Variants in LGALS3 observed in about 807,000 individuals in gnomAD.
LGALS3 encodes galectin 3, also known as galectin-3.
LGALS3 carries 18 observed loss-of-function variants against 20.7 expected under a neutral mutation model. That is an observed-to-expected ratio of 0.87 (90% confidence interval 0.60 to 1.29). LGALS3 has a LOEUF of 1.29. Ranked by LOEUF, LGALS3 falls within the 50% of genes most tolerant of loss-of-function variation. LGALS3 has a pLI of 0.00. For synonymous variants in LGALS3, 112 were observed against 119.6 expected (o/e 0.94, Z 0.42); for missense variants, 315 against 314.7 (o/e 1.00, Z -0.01).
chr14:55,134,374 G>C lies in LGALS3; in HGVS notation c.-4-2996G>C, dbSNP rs115890944. Among the ~76,000 whole-genome samples the C allele has an allele frequency of 8.7e-3, 1,319 of 152,292 alleles. 20 individuals are homozygous for C. Among genetic ancestry groups the C allele is most frequent in the African/African-American group, 0.029 (1,213 of 41,548 alleles). ...GTGCTGAGGTTCACAATAAGCTCCT[G>C]TGCAATGAGGACATTTAAAAGAAAT... On this transcript the variant is annotated intron_variant, in intron 1 of 5. Coordinates refer to ENST00000254301, the MANE Select transcript of LGALS3 (RefSeq NM_002306.4).
At chr14:55,140,150 A>T (rs945927778) in intron 3 of LGALS3, 125 bp from the exon 4 acceptor site, 30 of 614,584 alleles carry the variant, frequency 4.9e-5, no homozygotes, top group Non-Finnish European at 8.4e-5. Context: ...GAGTCTGGAC[A>T]GATGGCATAT....
intron 4 of LGALS3, 130 bp from the exon 5 acceptor site, chr14:55,142,454 T>C (rs1429440729): frequency 3.3e-6 from 2 of 612,766 alleles, no homozygotes; most frequent in East Asian, 5.5e-5. Flanking sequence ...ATTTATTTGC[T>C]TTCCATTCAG....
In LGALS3 at chr14:55,145,401, TTACAGTGAATTACCTGTCTC is replaced by T. The variant is rs2140298709; in HGVS notation, c.*131_*150del. ...TTGTAAGTCATCTACTTAATAAATA[TTACAGTGAATTACCTGTCTC>T]AATATGTCATTTAATTGGAGTGGTT... On this transcript the variant is annotated 3_prime_UTR_variant, in exon 6 of 6. Transcript: ENST00000254301. 1 of 1,472,602 alleles carries T rather than the reference TTACAGTGAATTACCTGTCTC, an allele frequency of 6.8e-7. No homozygotes were observed. Among genetic ancestry groups the T allele is most frequent in the South Asian group, 1.2e-5 (1 of 82,690 alleles). The allele number at this position is 1,472,602 out of a possible 1,614,324, so 91.2% of individuals were successfully genotyped here.
intron 1 of LGALS3, among the ~76,000 whole-genome samples, chr14:55,134,609 T>C (rs1881326410): frequency 6.6e-6 from 1 of 152,200 alleles, no homozygotes; most frequent in Non-Finnish European, 1.5e-5. Context: ...AAGGTCCCCC[T>C]GCAGTAGCAA....
intron 4 of LGALS3, among the ~76,000 whole-genome samples, chr14:55,142,301 G>T (rs1881650694): frequency 6.6e-6 from 1 of 152,182 alleles, no homozygotes; most frequent in African/African-American, 2.4e-5. Context: ...TCATGAGTCT[G>T]TAGGGGCATT....
chr14:55,130,096 ACTGT>A (rs143586467), intron 1 of LGALS3, among the ~76,000 whole-genome samples: 40 of 152,336 alleles, frequency 2.6e-4, no homozygotes, highest in East Asian at 1.2e-3. Context: ...CCCTGCCCAG[ACTGT>A]CTGTGCCCAG....
intron 3 of LGALS3, among the ~76,000 whole-genome samples, chr14:55,139,765 A>G (rs1881552455): frequency 6.6e-6 from 1 of 152,248 alleles, no homozygotes; most frequent in Non-Finnish European, 1.5e-5. Context: ...GTCAATAAAC[A>G]TTTGTGGAAT....
At chr14:55,130,510 T>C (rs1881195550) in intron 1 of LGALS3, among the ~76,000 whole-genome samples, 1 of 151,664 alleles carries the variant, frequency 6.6e-6, no homozygotes, top group African/African-American at 2.4e-5. Context: ...GCACAGGGCC[T>C]GAGAAGAAAA....
Position 55,129,732 on chromosome 14 carries a change from C to G in LGALS3, c.-5+432C>G, listed in dbSNP as rs1244643419. The stretch of plus-strand genomic sequence containing the variant: ...GCGAGGGGAGGCGGAGGGGCTCGCT[C>G]AGCAAACCAGACGGCCGCTCCAGTT... On this transcript the variant is annotated intron_variant, in intron 1 of 5. Transcript: ENST00000254301. The surrounding 1 kb of genome is among the most constrained non-coding windows in gnomAD (Gnocchi z 5.3). Among the ~76,000 whole-genome samples, 1 of 152,200 alleles carries G rather than the reference C, an allele frequency of 6.6e-6. No homozygotes were observed. The highest frequency in any genetic ancestry group is 2.1e-4 in the South Asian group (1 of 4,828).
chr14:55,141,839 A>T (rs1386902374), intron 4 of LGALS3, among the ~76,000 whole-genome samples: 3 of 152,240 alleles, frequency 2.0e-5, no homozygotes, highest in Non-Finnish European at 4.4e-5. Context: ...AGTGCAGATT[A>T]AAATACGAAT....
intron 1 of LGALS3, among the ~76,000 whole-genome samples, chr14:55,133,830 C>A (rs1881303230): frequency 6.6e-6 from 1 of 152,164 alleles, no homozygotes; most frequent in Non-Finnish European, 1.5e-5. Context: ...GAAATGCCTT[C>A]TTTATTTGAC....
At chr14:55,133,621 G>A (rs139275100) in intron 1 of LGALS3, among the ~76,000 whole-genome samples, 5 of 152,204 alleles carry the variant, frequency 3.3e-5, no homozygotes, top group East Asian at 1.9e-4. Flanking sequence ...GCTGAAAAGC[G>A]CCACACAAAT....
At chr14:55,130,176 A>G (rs1314529161) in intron 1 of LGALS3, among the ~76,000 whole-genome samples, 1 of 152,206 alleles carries the variant, frequency 6.6e-6, no homozygotes, top group Non-Finnish European at 1.5e-5. Flanking sequence ...CTTTCACAAC[A>G]TGTTTGAGAG....
chr14:55,141,726 G>C (rs56358335), intron 4 of LGALS3, among the ~76,000 whole-genome samples: 12,556 of 152,216 alleles, frequency 0.082, 1,391 homozygotes, highest in African/African-American at 0.25. Context: ...ATTCTATGCT[G>C]TTTTTTCCTT....
In LGALS3 at chr14:55,141,632, C is replaced by T. The variant is rs556713583; in HGVS notation, c.432-952C>T. On this transcript the variant is annotated intron_variant, in intron 4 of 5. Transcript: ENST00000254301. Reference sequence around the variant, plus strand: ...TAAAAAAAACTGTTGCTTAGTCCTGCAAATTCTATATGACGAACTGTGTAG... The same window carrying T: ...TAAAAAAAACTGTTGCTTAGTCCTGTAAATTCTATATGACGAACTGTGTAG... Among the ~76,000 whole-genome samples the T allele has an allele frequency of 6.6e-5, 10 of 152,146 alleles. No individual in the cohort carries two copies. The South Asian group carries it at 2.1e-3, about 32-fold the overall frequency.
chr14:55,141,355 C>A (rs764501293), intron 4 of LGALS3, among the ~76,000 whole-genome samples: 3 of 152,162 alleles, frequency 2.0e-5, no homozygotes, highest in Admixed American at 6.5e-5. Context: ...CTACCTATGT[C>A]CTTATCCGTA....
rs184385433 is a variant in LGALS3 at position 55,133,437 on chromosome 14, C to A, written c.-4-3933C>A. On this transcript the variant is annotated intron_variant, in intron 1 of 5. Transcript: ENST00000254301. The stretch of plus-strand genomic sequence containing the variant: ...TATACTGTTTTTTTGATCTGATAAC[C>A]AAGCCTGCTACTAAGTGACTTGTGG... 6.7e-4 allele frequency among the ~76,000 whole-genome samples: 102 copies of A among 152,234 alleles called. 1 individual carries two copies. Among genetic ancestry groups the A allele is most frequent in the South Asian group, 1.0e-3 (5 of 4,834 alleles).
intron 1 of LGALS3, among the ~76,000 whole-genome samples, chr14:55,131,475 T>C (rs1881230213): frequency 6.6e-6 from 1 of 152,214 alleles, no homozygotes; most frequent in Admixed American, 6.5e-5. Flanking sequence ...GTAGTATGCC[T>C]TCAGAATCTC....
intron 1 of LGALS3, among the ~76,000 whole-genome samples, chr14:55,135,885 A>G (rs1295728136): frequency 6.6e-6 from 1 of 152,190 alleles, no homozygotes; most frequent in Non-Finnish European, 1.5e-5. Flanking sequence ...ATTTGAATCA[A>G]GTAGTGGACA....
Sources: gnomAD v4.1 joint callset for allele counts (sites outside exome capture counted in the v4.1 genomes callset) on GRCh38, gnomAD v4.1.1 for gene constraint, Gnocchi (gnomAD v3.1) non-coding constraint, MANE v1.5 for transcripts, NCBI Gene and HGNC (gene_info 2026-07-23, HGNC 2026-07-21) for gene names.